The following SYNDIG1 variants were observed in gnomAD, a reference collection of about 807,000 sequenced individuals.
SYNDIG1 encodes synapse differentiation-inducing gene protein 1.
A neutral mutation model predicts 19.4 loss-of-function variants in SYNDIG1; 9 were observed. The observed-to-expected ratio is 0.46, with a 90% CI of 0.28 to 0.81. The LOEUF (loss-of-function observed/expected upper bound fraction) is 0.81. SYNDIG1 is among the 30% of genes least tolerant of loss of function. The pLI is 0.12. For synonymous variants in SYNDIG1, 141 were observed against 145.9 expected, an observed-to-expected ratio of 0.97 and a Z score of 0.24; for missense variants, 311 against 343.3, an observed-to-expected ratio of 0.91 and a Z score of 0.74.
At chr20:24,655,394 G>A (rs572479378) in intron 3 of SYNDIG1, among the ~76,000 whole-genome samples, 162 of 152,258 alleles carry the variant, frequency 1.1e-3, no homozygotes, top group Admixed American at 1.9e-3. Flanking sequence ...TGACAAAGTG[G>A]GTAGGGACAG....
chr20:24,557,921 C>T (rs1266843047), intron 2 of SYNDIG1, among the ~76,000 whole-genome samples: 3 of 152,230 alleles, frequency 2.0e-5, no homozygotes, highest in Admixed American at 6.5e-5. Context: ...ATTCGGCCAT[C>T]TTGGCTGCCT....
chr20:24,505,145 C>G (rs2056556272), intron 1 of SYNDIG1, among the ~76,000 whole-genome samples: 1 of 152,128 alleles, frequency 6.6e-6, no homozygotes. Context: ...GCTGAGTGGT[C>G]ATCGGCACAG....
chr20:24,651,352 G>C (rs2059472511), intron 3 of SYNDIG1, among the ~76,000 whole-genome samples: 3 of 152,126 alleles, frequency 2.0e-5, no homozygotes, highest in African/African-American at 4.8e-5. Flanking sequence ...TGGTCATAAA[G>C]GGGATGATGC....
intron 2 of SYNDIG1, among the ~76,000 whole-genome samples, chr20:24,560,997 CT>C (rs372179970): frequency 0.011 from 1,546 of 145,180 alleles, 17 homozygotes; most frequent in African/African-American, 0.023. Context: ...TCAGCTTTGT[CT>C]TTTTTTTTTT....
intron 1 of SYNDIG1, among the ~76,000 whole-genome samples, chr20:24,536,525 C>T (rs1454161159): frequency 1.3e-5 from 2 of 152,164 alleles, no homozygotes; most frequent in East Asian, 3.9e-4. Context: ...TTGGAGATAG[C>T]CTCAGGCCCC....
At chr20:24,661,487 A>AAGAGGGAGGGAAGAGGGAG (rs565674556) in intron 3 of SYNDIG1, among the ~76,000 whole-genome samples, 1 of 13,472 alleles carries the variant, frequency 7.4e-5, no homozygotes, top group Non-Finnish European at 1.2e-4. Context: ...AGAGGGAGGA[A>AAGAGGGAGGGAAGAGGGAG]GAAGGGAGGG....
At chr20:24,514,146 C>T (rs1182484090) in intron 1 of SYNDIG1, among the ~76,000 whole-genome samples, 1 of 152,134 alleles carries the variant, frequency 6.6e-6, no homozygotes, top group Non-Finnish European at 1.5e-5. Context: ...GAAAGGAACA[C>T]CCGGTACTAG....
chr20:24,508,595 T>C lies in SYNDIG1; in HGVS notation c.-78-34425T>C, dbSNP rs2056665296. On this transcript the variant is annotated intron_variant, in intron 1 of 3. Transcript: ENST00000376862. Reference sequence around the variant, plus strand: ...ACATAGGTGAAATAAAAGAGATTTTTAAACAAACGTTTAAATGAACAAACA... The same window carrying C: ...ACATAGGTGAAATAAAAGAGATTTTCAAACAAACGTTTAAATGAACAAACA... Among the ~76,000 whole-genome samples the C allele has an allele frequency of 2.6e-5, 4 of 152,272 alleles. 1 individual carries two copies. In the South Asian group the frequency reaches 8.3e-4, roughly 32 times the overall value.
chr20:24,487,127 A>G (rs2055990509), intron 1 of SYNDIG1, among the ~76,000 whole-genome samples: 1 of 152,060 alleles, frequency 6.6e-6, no homozygotes, highest in South Asian at 2.1e-4. Flanking sequence ...GAGGGAAGAA[A>G]TGGCTTCAGC....
intron 1 of SYNDIG1, among the ~76,000 whole-genome samples, chr20:24,481,129 G>T (rs1440075524): frequency 6.6e-6 from 1 of 151,916 alleles, no homozygotes; most frequent in Non-Finnish European, 1.5e-5. Flanking sequence ...TGTGTTTTTT[G>T]CCACAATAAA....
intron 1 of SYNDIG1, among the ~76,000 whole-genome samples, chr20:24,492,485 C>G (rs2056185429): frequency 6.6e-6 from 1 of 152,156 alleles, no homozygotes; most frequent in South Asian, 2.1e-4. Flanking sequence ...CACGGTGGCT[C>G]CCCTGCAGGA....
At chr20:24,647,353 C>T (rs920252896) in intron 3 of SYNDIG1, among the ~76,000 whole-genome samples, 5 of 152,120 alleles carry the variant, frequency 3.3e-5, no homozygotes, top group East Asian at 1.9e-4. Flanking sequence ...GCAGTGCATG[C>T]GGCAGAATCG....
rs901608989 is a variant in SYNDIG1 at position 24,503,654 on chromosome 20, G to T, written c.-79+33901G>T. Among the ~76,000 whole-genome samples the T allele has an allele frequency of 2.7e-5, 4 of 148,382 alleles. No homozygotes were observed. In the Admixed American group the frequency reaches 2.7e-4, roughly 10 times the overall value. ...TGCTAGCTTTCCACTGCTCTTATCT[G>T]CAGAACTCATTTATTGAGCTCATGA... is the stretch of plus-strand genomic sequence containing the variant. On this transcript the variant is annotated intron_variant, in intron 1 of 3. Transcript: ENST00000376862.
intron 1 of SYNDIG1, among the ~76,000 whole-genome samples, chr20:24,497,229 GTC>G (rs1384112127): frequency 2.0e-5 from 3 of 152,070 alleles, no homozygotes; most frequent in African/African-American, 4.8e-5. Context: ...TTGAGACAGG[GTC>G]TCTCTGTGCT....
intron 2 of SYNDIG1, among the ~76,000 whole-genome samples, chr20:24,581,637 G>A (rs561096667): frequency 1.3e-3 from 192 of 152,190 alleles, no homozygotes; most frequent in Non-Finnish European, 1.6e-3. Flanking sequence ...CGACAGGGCC[G>A]TGTGTGATGA....
chr20:24,580,952 C>T (rs556192476), intron 2 of SYNDIG1, among the ~76,000 whole-genome samples: 42 of 152,288 alleles, frequency 2.8e-4, no homozygotes, highest in African/African-American at 9.1e-4. Context: ...GTTCCCCAAG[C>T]GTTGACTAAG....
chr20:24,543,841 G>A (rs948354224), intron 2 of SYNDIG1, among the ~76,000 whole-genome samples: 12 of 152,200 alleles, frequency 7.9e-5, no homozygotes, highest in Admixed American at 4.6e-4. Flanking sequence ...GCAGATGGCA[G>A]TGCTGGTGGG....
chr20:24,484,629 G>T (rs2055905765), intron 1 of SYNDIG1, among the ~76,000 whole-genome samples: 2 of 152,192 alleles, frequency 1.3e-5, no homozygotes, highest in Admixed American at 1.3e-4. Context: ...ATGGGAAGTA[G>T]TGTTGTGTCC....
intron 2 of SYNDIG1, among the ~76,000 whole-genome samples, chr20:24,543,948 G>T (rs1053266263): frequency 1.3e-5 from 2 of 152,166 alleles, no homozygotes; most frequent in Non-Finnish European, 2.9e-5. Flanking sequence ...CATGAGGCTG[G>T]AAATATACTT....
Sources: allele counts gnomAD v4.1 joint callset (sites outside exome capture counted in the v4.1 genomes callset), GRCh38; gene constraint gnomAD v4.1.1; transcripts MANE v1.5; gene names NCBI Gene and HGNC (gene_info 2026-07-23, HGNC 2026-07-21).